The following TBCD variants were observed in gnomAD, a reference collection of about 807,000 sequenced individuals.
TBCD encodes the protein tubulin-specific chaperone D.
A neutral mutation model predicts 169.3 loss-of-function variants in TBCD; 105 were observed. The ratio of observed to expected loss-of-function variants is 0.62; its 90% confidence interval spans 0.53 to 0.73. The LOEUF (loss-of-function observed/expected upper bound fraction) is 0.73, where lower values mean the gene tolerates loss of function less well. Among genes scored for constraint, TBCD ranks in the 30% least tolerant of loss-of-function variants. TBCD has a pLI of 0.00. For missense variants in TBCD, 1,444 were observed against 1,600.1 expected (o/e 0.90, Z 1.66); for synonymous variants, 700 against 643.9 (o/e 1.09, Z -1.32).
At position 82,800,938 on chromosome 17, in the gene TBCD, G is replaced by T; in HGVS notation, c.892G>T (p.Val298Leu). Residue 298 changes from valine (V) to leucine (L), a missense_variant, in exon 9 of 39, where the codon GTG becomes TTG. By Grantham distance (32) the Val-to-Leu change is conservative (BLOSUM62 1). Transcript: ENST00000355528. ...CCAGACCCTGCTGCGGAAGCTGGGG[G>T]TGAAGCTTGTGCAGCGACTGGGGCT... ...SNQTLLRKLGVKLVQRLGLTF... is the reference protein window; with the variant it reads ...SNQTLLRKLGLKLVQRLGLTF... 3 of 1,612,452 alleles carry T rather than the reference G, an allele frequency of 1.9e-6. No individual in the cohort carries two copies. The highest frequency in any genetic ancestry group is 1.7e-6 in the Non-Finnish European group (2 of 1,179,500).
Position 82,941,557 on chromosome 17 carries a change from G to A in TBCD, c.3564+74G>A, listed in dbSNP as rs759787836. On this transcript the variant is annotated intron_variant, in intron 38 of 38. Coordinates refer to ENST00000355528, the MANE Select transcript of TBCD (RefSeq NM_005993.5). ...CTGGAATGTTCTGGGGCCAGCGGCT[G>A]TGCTTAGCTTCTGCCAGCACGTCCA... 5.8e-6 allele frequency: 8 copies of A among 1,370,388 alleles called. No homozygotes were observed. The East Asian group carries it at 1.3e-4, about 22-fold the overall frequency. 84.9% of individuals were successfully genotyped at this position (1,370,388 alleles called of 1,614,324 possible). A position where few individuals can be genotyped will look rare whatever the true frequency, so the allele number is the denominator to read the frequency against.
rs567171340 is a variant in TBCD at position 82,806,254 on chromosome 17, G to C, written c.1087+243G>C. 1.2e-4 allele frequency among the ~76,000 whole-genome samples: 19 copies of C among 152,084 alleles called. No individual in the cohort carries two copies. The highest frequency in any genetic ancestry group is 2.6e-4 in the Non-Finnish European group (18 of 68,026). ...TTTCCCACCGCCTCGCCTCCTTCCTGACCTGGGCTGCCTGTTCTGGGCAGC... is the reference window on the plus strand; with the variant it reads ...TTTCCCACCGCCTCGCCTCCTTCCTCACCTGGGCTGCCTGTTCTGGGCAGC... On this transcript the variant is annotated intron_variant, in intron 10 of 38. Coordinates refer to ENST00000355528, the MANE Select transcript of TBCD (RefSeq NM_005993.5). The surrounding 1 kb of genome is among the most constrained non-coding windows in gnomAD (Gnocchi z 5.1).
chr17:82,890,519 C>T lies in TBCD; in HGVS notation c.1563+822C>T, dbSNP rs1396513284. On this transcript the variant is annotated intron_variant, in intron 16 of 38. Coordinates refer to ENST00000355528, the MANE Select transcript of TBCD (RefSeq NM_005993.5). The surrounding 1 kb of genome is among the most constrained non-coding windows in gnomAD (Gnocchi z 5.3). ...CAAGGTGTCTGACCTGGAGTGGAAG[C>T]ATTGAGGCCAAATGAGTCCACAGGA... 4.6e-5 allele frequency among the ~76,000 whole-genome samples: 7 copies of T among 152,174 alleles called. No individual in the cohort carries two copies. Among genetic ancestry groups the T allele is most frequent in the African/African-American group, 1.7e-4 (7 of 41,448 alleles).
rs925543319 is a variant in TBCD at position 82,930,985 on chromosome 17, G to A, written c.3113+342G>A. ...CCTCCAGCTTGGTGCTCCCACGGACGTGCTTGCGGACGCTCATCAGCCACC... is the reference window on the plus strand; with the variant it reads ...CCTCCAGCTTGGTGCTCCCACGGACATGCTTGCGGACGCTCATCAGCCACC... On this transcript the variant is annotated intron_variant, in intron 33 of 38. Coordinates refer to ENST00000355528, the MANE Select transcript of TBCD (RefSeq NM_005993.5). This position sits in a 1 kb window ranked among gnomAD's most constrained non-coding sequence, Gnocchi z 5.2. Among the ~76,000 whole-genome samples the A allele has an allele frequency of 3.2e-4, 49 of 152,228 alleles. No individual in the cohort carries two copies. The highest frequency in any genetic ancestry group is 7.2e-5 in the African/African-American group (3 of 41,470).
At chr17:82,878,198 C>T (rs1044157336) in intron 14 of TBCD, among the ~76,000 whole-genome samples, 15 of 152,226 alleles carry the variant, frequency 9.9e-5, no homozygotes, top group Non-Finnish European at 2.2e-4. Flanking sequence ...GTCCTGTGCC[C>T]TCAGCCTCCT....
At chr17:82,909,382 G>A in intron 22 of TBCD, 75 bp downstream of exon 22, 1 of 1,302,504 alleles carries the variant, frequency 7.7e-7, no homozygotes, top group South Asian at 1.4e-5. Context: ...AGGCGGGGCG[G>A]GTGTGTTCGC....
Position 82,806,049 on chromosome 17 carries a change from A to G in TBCD, c.1087+38A>G. ...TAAGCGGCGGCCTCTGCTCTTGGGC[A>G]CCGTCGGGCCAATTCCCCTCTACTC... On this transcript the variant is annotated intron_variant, in intron 10 of 38. Coordinates refer to ENST00000355528, the MANE Select transcript of TBCD (RefSeq NM_005993.5). The surrounding 1 kb of genome is among the most constrained non-coding windows in gnomAD (Gnocchi z 5.1). 1 of 1,599,768 alleles carries G rather than the reference A, an allele frequency of 6.3e-7. No homozygotes were observed. The highest frequency in any genetic ancestry group is 1.3e-5 in the African/African-American group (1 of 74,848).
At chr17:82,935,879 A>G (rs897502458) in intron 34 of TBCD, among the ~76,000 whole-genome samples, 3 of 152,184 alleles carry the variant, frequency 2.0e-5, no homozygotes, top group South Asian at 4.1e-4. Context: ...TCCCTAGAGC[A>G]CACTCCCTTG....
chr17:82,831,108 C>G lies in TBCD; in HGVS notation c.1318+16174C>G, dbSNP rs747352975. On this transcript the variant is annotated intron_variant, in intron 13 of 38. Coordinates refer to ENST00000355528, the MANE Select transcript of TBCD (RefSeq NM_005993.5). The surrounding 1 kb of genome is among the most constrained non-coding windows in gnomAD (Gnocchi z 4.6). ...CAGGCCTGAAGGCTGTGAGGCTTTG[C>G]TCTGGCGGGTAGAGTCTTCCCAGTG... 1 of 1,614,184 alleles carries G rather than the reference C, an allele frequency of 6.2e-7. No individual in the cohort carries two copies. The highest frequency in any genetic ancestry group is 2.2e-5 in the East Asian group (1 of 44,876).
At chr17:82,758,398 A>AT (rs1470112919) in intron 2 of TBCD, among the ~76,000 whole-genome samples, 5,010 of 140,802 alleles carry the variant, frequency 0.036, 270 homozygotes, top group African/African-American at 0.09. Flanking sequence ...AAAAAAAAAA[A>AT]AAAAATAAAT....
rs1015406958 is a variant in TBCD, at chr17:82,930,910, T to C, written c.3113+267T>C. On this transcript the variant is annotated intron_variant, in intron 33 of 38. Transcript: ENST00000355528. The surrounding 1 kb of genome is among the most constrained non-coding windows in gnomAD (Gnocchi z 5.2). ...GTTGTGTGTACAATGGACGTAAAGG[T>C]AGTATGAGTACAAGGTGGTCCCTGT... Among the ~76,000 whole-genome samples the C allele has an allele frequency of 2.6e-5, 4 of 152,016 alleles. No homozygotes were observed. Among genetic ancestry groups the C allele is most frequent in the Admixed American group, 2.6e-4 (4 of 15,268 alleles).
At chr17:82,921,671 G>A in intron 25 of TBCD, 94 bp downstream of exon 25, 1 of 1,165,824 alleles carries the variant, frequency 8.6e-7, no homozygotes, top group South Asian at 1.2e-5. Context: ...GCATCATGAG[G>A]CTGTCCCTGC....
At chr17:82,848,995 TGC>T (rs1212361308) in intron 13 of TBCD, among the ~76,000 whole-genome samples, 1 of 31,680 alleles carries the variant, frequency 3.2e-5, no homozygotes. Context: ...TGTCCCCCTC[TGC>T]CTGCTGCGTC....
chr17:82,867,075 A>G (rs918585998), intron 13 of TBCD, among the ~76,000 whole-genome samples: 3 of 152,206 alleles, frequency 2.0e-5, no homozygotes, highest in South Asian at 2.1e-4. Context: ...GGTGCTAAAG[A>G]GAACCATCTT....
intron 35 of TBCD, chr17:82,937,816 T>A (rs1353661400): frequency 1.4e-6 from 2 of 1,442,866 alleles, no homozygotes; most frequent in Admixed American, 4.3e-5. Flanking sequence ...CTGCAGGAGA[T>A]CCTCTGTGAG....
Position 82,885,311 on chromosome 17 carries a change from C to G in TBCD, c.1533+1109C>G, listed in dbSNP as rs191042324. Among the ~76,000 whole-genome samples the G allele has an allele frequency of 8.9e-3, 1,363 of 152,292 alleles. 79 individuals are homozygous for G. The highest frequency in any genetic ancestry group is 0.083 in the Admixed American group (1,273 of 15,292). ...CAGGTGCAGTGTTGGTTCTCTCTCT[C>G]TCTCAAATGCAGGAGCTCAGATGAT... On this transcript the variant is annotated intron_variant, in intron 15 of 38. Coordinates refer to ENST00000355528, the MANE Select transcript of TBCD (RefSeq NM_005993.5).
chr17:82,877,964 C>G (rs1266758081), intron 14 of TBCD, among the ~76,000 whole-genome samples: 1 of 152,168 alleles, frequency 6.6e-6, no homozygotes, highest in East Asian at 1.9e-4. Context: ...GATACTAATC[C>G]TGGGTCTTTT....
chr17:82,781,086 A>G (rs1598459241), intron 6 of TBCD, among the ~76,000 whole-genome samples: 1 of 151,954 alleles, frequency 6.6e-6, no homozygotes, highest in East Asian at 1.9e-4. Flanking sequence ...GGGCTACACG[A>G]GCAGCTGGCT....
chr17:82,815,442 A>G (rs1308783120), intron 13 of TBCD, among the ~76,000 whole-genome samples: 2 of 152,216 alleles, frequency 1.3e-5, no homozygotes, highest in African/African-American at 4.8e-5. Context: ...GGCTCACGCC[A>G]GCGTGAAACC....
Sources: allele counts gnomAD v4.1 joint callset (sites outside exome capture counted in the v4.1 genomes callset), GRCh38; gene constraint gnomAD v4.1.1; non-coding constraint Gnocchi (gnomAD v3.1); transcripts MANE v1.5; gene names NCBI Gene and HGNC (gene_info 2026-07-23, HGNC 2026-07-21).